The following MGAT4C variants were observed in gnomAD, a reference collection of about 807,000 sequenced individuals.
MGAT4C encodes alpha-1,3-mannosyl-glycoprotein 4-beta-N-acetylglucosaminyltransferase C.
MGAT4C carries 19 observed loss-of-function variants against 40.1 expected under a neutral mutation model. That is an observed-to-expected ratio of 0.47 (90% CI 0.33 to 0.70). The LOEUF (loss-of-function observed/expected upper bound fraction) is 0.70. MGAT4C is among the 30% of genes least tolerant of loss of function. MGAT4C has a pLI of 0.02. For missense variants in MGAT4C, 491 were observed against 563.2 expected, an observed-to-expected ratio of 0.87 and a Z score of 1.30; for synonymous variants, 181 against 187.1, an observed-to-expected ratio of 0.97 and a Z score of 0.27.
At chr12:86,094,650 T>C (rs911409363) in intron 1 of MGAT4C, among the ~76,000 whole-genome samples, 6 of 152,202 alleles carry the variant, frequency 3.9e-5, no homozygotes, top group African/African-American at 1.4e-4. Context: ...TTTACAAAGA[T>C]ATGTTTTCAT....
intron 2 of MGAT4C, among the ~76,000 whole-genome samples, chr12:86,540,254 C>T (rs1592966698): frequency 6.6e-6 from 1 of 152,220 alleles, no homozygotes; most frequent in African/African-American, 2.4e-5. Context: ...TGCTGGATGA[C>T]TTATTCTGGA....
chr12:86,526,013 A>G (rs945064567), intron 2 of MGAT4C, among the ~76,000 whole-genome samples: 1 of 152,206 alleles, frequency 6.6e-6, no homozygotes, highest in African/African-American at 2.4e-5. Context: ...GCCTGCCTCC[A>G]TGCAGTTATT....
chr12:86,190,094 T>C (rs1209514669), intron 1 of MGAT4C, among the ~76,000 whole-genome samples: 1 of 152,024 alleles, frequency 6.6e-6, no homozygotes, highest in Non-Finnish European at 1.5e-5. Flanking sequence ...AGCTTATCAG[T>C]GGGAATTTCC....
At chr12:86,138,434 A>C (rs1882289249) in intron 1 of MGAT4C, among the ~76,000 whole-genome samples, 1 of 149,278 alleles carries the variant, frequency 6.7e-6, no homozygotes, top group South Asian at 2.1e-4. Context: ...GATCTAGCTC[A>C]ACAAACATTG....
intron 1 of MGAT4C, among the ~76,000 whole-genome samples, chr12:86,114,722 A>C (rs1878083407): frequency 6.6e-6 from 1 of 151,894 alleles, no homozygotes; most frequent in Non-Finnish European, 1.5e-5. Flanking sequence ...TTGATATTAG[A>C]TAGCTGAGAT....
intron 2 of MGAT4C, among the ~76,000 whole-genome samples, chr12:86,568,731 C>T (rs1012098750): frequency 6.6e-6 from 1 of 151,714 alleles, no homozygotes; most frequent in Non-Finnish European, 1.5e-5. Context: ...AAAACAGAAA[C>T]ATAGACTGAT....
intron 1 of MGAT4C, among the ~76,000 whole-genome samples, chr12:86,152,008 C>G (rs932959792): frequency 6.6e-6 from 1 of 152,220 alleles, no homozygotes; most frequent in Non-Finnish European, 1.5e-5. Context: ...TTACATCTAT[C>G]AAGTTCAGCA....
intron 2 of MGAT4C, among the ~76,000 whole-genome samples, chr12:86,547,606 C>T (rs887797532): frequency 1.3e-5 from 2 of 151,850 alleles, no homozygotes; most frequent in African/African-American, 4.8e-5. Flanking sequence ...GTTATTTGCT[C>T]AGAAAATTAA....
Position 86,400,762 on chromosome 12 carries a change from C to G in MGAT4C, c.-120+34395G>C, listed in dbSNP as rs1476314266. Among the ~76,000 whole-genome samples, 4 of 152,072 alleles carry G rather than the reference C, an allele frequency of 2.6e-5. No homozygotes were observed. In the East Asian group the frequency reaches 5.8e-4, roughly 22 times the overall value. ...GAATTTTGTAAAGTTAGTGATGGAGCCTTTTATGGTCAGCAGGCTAATATA... is the reference window on the plus strand; with the variant it reads ...GAATTTTGTAAAGTTAGTGATGGAGGCTTTTATGGTCAGCAGGCTAATATA... On this transcript the variant is annotated intron_variant, in intron 3 of 7. Transcript: ENST00000548651.
chr12:86,032,153 A>G (rs751786720), intron 2 of MGAT4C, among the ~76,000 whole-genome samples: 1 of 151,924 alleles, frequency 6.6e-6, no homozygotes, highest in Non-Finnish European at 1.5e-5. Context: ...CGTTTTCTTT[A>G]TGTATTCTAC....
At chr12:86,648,848 C>A (rs1231110991) in intron 2 of MGAT4C, among the ~76,000 whole-genome samples, 2 of 151,800 alleles carry the variant, frequency 1.3e-5, no homozygotes, top group Non-Finnish European at 2.9e-5. Flanking sequence ...AATGTCACTC[C>A]TCAAAATTCG....
chr12:86,211,329 G>A (rs1221856353), intron 1 of MGAT4C, among the ~76,000 whole-genome samples: 3 of 142,032 alleles, frequency 2.1e-5, no homozygotes, highest in East Asian at 2.2e-4. Context: ...CTGGGAGGCC[G>A]AGATGGGCGG....
intron 2 of MGAT4C, among the ~76,000 whole-genome samples, chr12:86,562,433 G>A (rs1024339455): frequency 6.6e-5 from 10 of 152,132 alleles, no homozygotes; most frequent in Middle Eastern, 3.4e-3. Flanking sequence ...CCTAAATTCT[G>A]AGGAGGCTTT....
At chr12:86,446,700 T>TATATAC (rs1957346748) in intron 2 of MGAT4C, among the ~76,000 whole-genome samples, 5 of 129,820 alleles carry the variant, frequency 3.9e-5, no homozygotes, top group African/African-American at 1.4e-4. Flanking sequence ...TATATATATA[T>TATATAC]ATATGGATGT....
At chr12:86,795,005 AG>A (rs1198261776) in intron 1 of MGAT4C, among the ~76,000 whole-genome samples, 32 of 152,098 alleles carry the variant, frequency 2.1e-4, no homozygotes, top group African/African-American at 7.5e-4. Context: ...AATAAATCAT[AG>A]AAATATATTT....
At chr12:86,697,382 T>G (rs1210830154) in intron 2 of MGAT4C, among the ~76,000 whole-genome samples, 1 of 152,044 alleles carries the variant, frequency 6.6e-6, no homozygotes, top group Non-Finnish European at 1.5e-5. Flanking sequence ...CGTAGATAGC[T>G]GGATACAGTT....
intron 2 of MGAT4C, among the ~76,000 whole-genome samples, chr12:86,585,863 C>T (rs1565866389): frequency 6.7e-6 from 1 of 150,290 alleles, no homozygotes; most frequent in Non-Finnish European, 1.5e-5. Flanking sequence ...ATGATTATGA[C>T]TAATACTTTT....
chr12:86,134,729 G>A (rs1052096593), intron 1 of MGAT4C, among the ~76,000 whole-genome samples: 3 of 152,036 alleles, frequency 2.0e-5, no homozygotes, highest in African/African-American at 7.2e-5. Context: ...TCTCTTTCTG[G>A]AGCACTGCTA....
chr12:86,664,113 A>T lies in MGAT4C; in HGVS notation c.-229+63096T>A, dbSNP rs1206595351. Among the ~76,000 whole-genome samples, 4 of 151,548 alleles carry T rather than the reference A, an allele frequency of 2.6e-5. 1 individual carries two copies. The highest frequency in any genetic ancestry group is 5.9e-5 in the Non-Finnish European group (4 of 67,986). Reference sequence around the variant, plus strand: ...GCTGGGATTCTGAACACTGTTTATCATCTGGCATTGCACAGTCAATTTTTT... The same window carrying T: ...GCTGGGATTCTGAACACTGTTTATCTTCTGGCATTGCACAGTCAATTTTTT... On this transcript the variant is annotated intron_variant, in intron 2 of 7. Transcript: ENST00000548651.
Sources: gnomAD v4.1 joint callset for allele counts (sites outside exome capture counted in the v4.1 genomes callset) on GRCh38, gnomAD v4.1.1 for gene constraint, MANE v1.5 for transcripts, NCBI Gene and HGNC (gene_info 2026-07-23, HGNC 2026-07-21) for gene names.